Variants in GLP2R observed in about 807,000 individuals in gnomAD.
GLP2R encodes the protein glucagon like peptide 2 receptor, also known as glucagon-like peptide 2 receptor.
In GLP2R, 59 loss-of-function variants were observed where a neutral mutation model predicts 68.2. The observed-to-expected ratio is 0.87, with a 90% CI of 0.70 to 1.07. GLP2R has a LOEUF of 1.07. GLP2R is among the 50% of genes least tolerant of loss of function. The pLI, the probability that GLP2R is intolerant of heterozygous loss-of-function variation, is 0.00. For missense variants in GLP2R, 548 were observed against 677.4 expected (o/e 0.81, Z 2.12); for synonymous variants, 270 against 265.4 (o/e 1.02, Z -0.17).
At chr17:9,832,991 G>A (rs932276897) in intron 1 of GLP2R, among the ~76,000 whole-genome samples, 2 of 151,936 alleles carry the variant, frequency 1.3e-5, no homozygotes, top group Admixed American at 6.6e-5. Context: ...GGCCAGGCGC[G>A]GTGGCTCACA....
rs1597410301 is a variant in GLP2R at position 9,889,922 on chromosome 17, A to C, written c.*217A>C. ...TCTGCCTGCTCTTCTCATCCTAATA[A>C]CCCCCACCAGTGTGTTTTCCACAAT... On this transcript the variant is annotated 3_prime_UTR_variant, in exon 13 of 13. Transcript: ENST00000262441. 11 of 621,040 alleles carry C rather than the reference A, an allele frequency of 1.8e-5. No homozygotes were observed. The highest frequency in any genetic ancestry group is 2.4e-5 in the Non-Finnish European group (8 of 335,116). The allele number at this position is 621,040 out of a possible 1,614,324, so 38.5% of individuals were successfully genotyped here.
chr17:9,860,038 C>T lies in GLP2R; in HGVS notation c.862C>T (p.Leu288=). Residue 288 remains leucine (L), a synonymous_variant, in exon 7 of 13, where the codon CTG becomes TTG. Transcript: ENST00000262441. ...LLVEGLYLHT[L]LEPTVLPERR... ...GGTTGAAGGCCTCTACCTCCACACG[C>T]TGCTGGAGCCCACAGTGCTTCCTGA... is the stretch of plus-strand genomic sequence containing the variant. The T allele has an allele frequency of 6.2e-7, 1 of 1,613,720 alleles. No homozygotes were observed. Among genetic ancestry groups the T allele is most frequent in the Non-Finnish European group, 8.5e-7 (1 of 1,179,866 alleles).
At chr17:9,887,817 C>T (rs776094594) in intron 11 of GLP2R, 115 bp from the exon 12 acceptor site, 2 of 785,494 alleles carry the variant, frequency 2.5e-6, no homozygotes, top group Non-Finnish European at 4.7e-6. Context: ...AATGCAGTTG[C>T]ACGCCTCTTC....
chr17:9,828,872 C>G (rs934268931), intron 1 of GLP2R, among the ~76,000 whole-genome samples: 10 of 152,198 alleles, frequency 6.6e-5, no homozygotes, highest in African/African-American at 1.9e-4. Flanking sequence ...TGCTTCCACT[C>G]TCTGCCACCC....
In GLP2R at chr17:9,857,422, G is replaced by A. The variant is rs143364780; in HGVS notation, c.612-1G>A. 1.5e-5 allele frequency: 25 copies of A among 1,614,024 alleles called. No individual in the cohort carries two copies. The highest frequency in any genetic ancestry group is 6.7e-5 in the Admixed American group (4 of 60,004). On this transcript the variant is annotated splice_acceptor_variant, in intron 5 of 12. Coordinates refer to ENST00000262441, the MANE Select transcript of GLP2R (RefSeq NM_004246.3). LOFTEE classifies it high-confidence loss of function. Reference sequence around the variant, plus strand: ...AGGCATTTGGTTTTCTCCTCGCACAGAAAACTCCACTGCACGCGCAACTAC... The same window carrying A: ...AGGCATTTGGTTTTCTCCTCGCACAAAAAACTCCACTGCACGCGCAACTAC...
At position 9,843,549 on chromosome 17, in the gene GLP2R, A is replaced by G. The variant is rs530903674; in HGVS notation, c.504+933A>G. On this transcript the variant is annotated intron_variant, in intron 4 of 12. Transcript: ENST00000262441. ...CACAGTAACTGGTCCGCAAGTCCCCATGGCTTCCCAGGAAAGGTTTTTTGG... is the reference window on the plus strand; with the variant it reads ...CACAGTAACTGGTCCGCAAGTCCCCGTGGCTTCCCAGGAAAGGTTTTTTGG... 3.3e-5 allele frequency among the ~76,000 whole-genome samples: 5 copies of G among 152,334 alleles called. No individual in the cohort carries two copies. In the East Asian group the frequency reaches 9.7e-4, roughly 29 times the overall value.
At chr17:9,879,340 T>TAAAATAAA (rs1567737400) in intron 10 of GLP2R, among the ~76,000 whole-genome samples, 1,636 of 109,366 alleles carry the variant, frequency 0.015, 54 homozygotes, top group East Asian at 0.039. Flanking sequence ...TAAAATAAAA[T>TAAAATAAA]AAAATAATTA....
intron 5 of GLP2R, among the ~76,000 whole-genome samples, chr17:9,855,228 C>T (rs891717050): frequency 1.3e-5 from 2 of 152,100 alleles, no homozygotes; most frequent in African/African-American, 4.8e-5. Flanking sequence ...ATCATCAAAG[C>T]TGGAAATGAC....
chr17:9,867,230 A>T (rs2067047245), intron 9 of GLP2R, among the ~76,000 whole-genome samples: 1 of 152,214 alleles, frequency 6.6e-6, no homozygotes, highest in South Asian at 2.1e-4. Context: ...AGAGTGTCCC[A>T]TCCCAGGTTC....
At chr17:9,829,324 ATTT>A (rs11379790) in intron 1 of GLP2R, among the ~76,000 whole-genome samples, 2 of 143,662 alleles carry the variant, frequency 1.4e-5, no homozygotes. Flanking sequence ...AAAATTTTTA[ATTT>A]TTTTTTTTTT....
intron 1 of GLP2R, among the ~76,000 whole-genome samples, chr17:9,830,714 C>A (rs1241946573): frequency 6.6e-6 from 1 of 152,168 alleles, no homozygotes; most frequent in Non-Finnish European, 1.5e-5. Flanking sequence ...AGACACCATG[C>A]AAACTACTAG....
intron 4 of GLP2R, among the ~76,000 whole-genome samples, chr17:9,848,171 G>T (rs934595079): frequency 6.6e-6 from 1 of 152,162 alleles, no homozygotes; most frequent in Non-Finnish European, 1.5e-5. Flanking sequence ...GATTAGATCC[G>T]GTTTATCTCA....
chr17:9,837,748 G>A (rs1567718873), intron 3 of GLP2R, among the ~76,000 whole-genome samples: 1 of 149,734 alleles, frequency 6.7e-6, no homozygotes, highest in Non-Finnish European at 1.5e-5. Context: ...GTGATTACTG[G>A]TTAGATTCCT....
chr17:9,883,694 G>A (rs6503260), intron 11 of GLP2R, among the ~76,000 whole-genome samples: 2 of 152,146 alleles, frequency 1.3e-5, no homozygotes, highest in Non-Finnish European at 2.9e-5. Context: ...CCAGGAGGCA[G>A]TGGTATAAAA....
Position 9,890,341 on chromosome 17 carries a change from T to G in GLP2R, c.*636T>G, listed in dbSNP as rs544018787. On this transcript the variant is annotated 3_prime_UTR_variant, in exon 13 of 13. Coordinates refer to ENST00000262441, the MANE Select transcript of GLP2R (RefSeq NM_004246.3). ...TCTCCCAGGTCAGCTGGGGTGTGCC[T>G]GCCCTCCTTGGAGAGTATGTAACTC... 3 of 303,994 alleles carry G rather than the reference T, an allele frequency of 9.9e-6. No individual in the cohort carries two copies. The East Asian group carries it at 2.8e-4, about 28-fold the overall frequency. The allele number at this position is 303,994 out of a possible 1,614,324, so 18.8% of individuals were successfully genotyped here.
At chr17:9,832,635 G>A (rs918048054) in intron 1 of GLP2R, among the ~76,000 whole-genome samples, 9 of 152,174 alleles carry the variant, frequency 5.9e-5, no homozygotes, top group Admixed American at 1.3e-4. Flanking sequence ...GGATGCTGAG[G>A]TGCGAGGATC....
At chr17:9,877,324 C>T (rs889707511) in intron 10 of GLP2R, among the ~76,000 whole-genome samples, 3 of 152,134 alleles carry the variant, frequency 2.0e-5, no homozygotes, top group African/African-American at 2.4e-5. Flanking sequence ...GACAGGGACA[C>T]AAATAGTACT....
At chr17:9,848,821 G>A (rs2066864446) in intron 4 of GLP2R, among the ~76,000 whole-genome samples, 2 of 151,806 alleles carry the variant, frequency 1.3e-5, no homozygotes, top group Admixed American at 1.3e-4. Flanking sequence ...CAACTAACGA[G>A]ATGCTGGGGG....
At chr17:9,869,614 G>C (rs1213637490) in intron 9 of GLP2R, among the ~76,000 whole-genome samples, 1 of 152,224 alleles carries the variant, frequency 6.6e-6, no homozygotes, top group Non-Finnish European at 1.5e-5. Context: ...CGTAGCTGGT[G>C]GTGGGTGGTG....
Sources: gnomAD v4.1 joint callset for allele counts (sites outside exome capture counted in the v4.1 genomes callset) on GRCh38, gnomAD v4.1.1 for gene constraint, MANE v1.5 for transcripts, NCBI Gene and HGNC (gene_info 2026-07-23, HGNC 2026-07-21) for gene names.